Variants in CERKL observed in about 807,000 individuals in gnomAD.
CERKL encodes ceramide kinase-like protein.
Under a neutral mutation model 63.4 loss-of-function variants are expected in CERKL, and 61 were observed. The observed-to-expected ratio is 0.96, with a 90% CI of 0.78 to 1.19. The LOEUF is 1.19. Ranked by LOEUF, CERKL falls within the 50% of genes most tolerant of loss-of-function variation. The pLI is 0.00. For synonymous variants in CERKL, 250 were observed against 230.5 expected, an observed-to-expected ratio of 1.08 and a Z score of -0.77; for missense variants, 675 against 655.5, an observed-to-expected ratio of 1.03 and a Z score of -0.33.
chr2:181,594,947 G>A (rs1027617153), intron 2 of CERKL, among the ~76,000 whole-genome samples: 2 of 152,032 alleles, frequency 1.3e-5, no homozygotes, highest in African/African-American at 4.8e-5. Context: ...AATGAATGCT[G>A]GGGGCTTAAT....
rs1687929966 is a variant in CERKL, at chr2:181,550,316, A to G, written c.821-608T>C. On this transcript the variant is annotated intron_variant, in intron 5 of 12. Transcript: ENST00000410087. The surrounding 1 kb of genome is among the most constrained non-coding windows in gnomAD (Gnocchi z 4.5). ...CCATGTATGAAGATTTGTATTTGAA[A>G]CATTATGATTTCTGATTTTCATGAT... Among the ~76,000 whole-genome samples, 1 of 152,172 alleles carries G rather than the reference A, an allele frequency of 6.6e-6. No homozygotes were observed. The highest frequency in any genetic ancestry group is 1.9e-4 in the East Asian group (1 of 5,200).
chr2:181,548,487 A>G (rs568960374), intron 8 of CERKL, 58 bp downstream of exon 8: 1 of 1,221,976 alleles, frequency 8.2e-7, no homozygotes, highest in East Asian at 2.4e-5. Context: ...ATTGTTTGTC[A>G]GAATGTTTTA....
chr2:181,632,107 G>T (rs1474378850), intron 1 of CERKL, among the ~76,000 whole-genome samples: 3 of 151,992 alleles, frequency 2.0e-5, no homozygotes, highest in Non-Finnish European at 2.9e-5. Flanking sequence ...ACTAGTTTTT[G>T]TATCTTTGCC....
chr2:181,571,861 CT>C (rs1688916551), intron 3 of CERKL, among the ~76,000 whole-genome samples: 2 of 152,120 alleles, frequency 1.3e-5, no homozygotes, highest in Non-Finnish European at 2.9e-5. Context: ...TGTGCCCAAA[CT>C]TAAAAAAGGA....
rs548716833 is a variant in CERKL, at chr2:181,573,857, T to C, written c.509A>G (p.Lys170Arg). ...AGFPNRPKSL[K>R]ILLNPQSHKK... The stretch of plus-strand genomic sequence containing the variant: ...GTGACTTTGGGGGTTAAGGAGTATT[T>C]TTAATGACTTCGGTCTGTTTGGAAA... The change falls in exon 3 of 13, where the codon AAA (lysine) becomes AGA (arginine). Residue 170 changes from lysine (K) to arginine (R), a missense_variant. Transcript: ENST00000410087. The C allele has an allele frequency of 6.2e-7, 1 of 1,613,014 alleles. No individual in the cohort carries two copies. The highest frequency in any genetic ancestry group is 1.7e-5 in the Admixed American group (1 of 59,972).
chr2:181,546,888 T>A (rs1041509067), intron 10 of CERKL, among the ~76,000 whole-genome samples: 2 of 152,248 alleles, frequency 1.3e-5, no homozygotes, highest in Non-Finnish European at 2.9e-5. Flanking sequence ...TTTGGCTTTG[T>A]GTTCCCACTC....
At position 181,656,752 on chromosome 2, in the gene CERKL, T is replaced by C; in HGVS notation, c.238+17A>G. 1.9e-6 allele frequency: 3 copies of C among 1,577,354 alleles called. No homozygotes were observed. The highest frequency in any genetic ancestry group is 4.7e-5 in the East Asian group (2 of 42,890). On this transcript the variant is annotated intron_variant, in intron 1 of 12. Transcript: ENST00000410087. ...AAGCGCGGAGGGAGGCGAAGACGCT[T>C]GGGGCCGGGCACTCACCCGCCGGGC...
intron 1 of CERKL, among the ~76,000 whole-genome samples, chr2:181,651,518 T>A (rs1353926565): frequency 1.3e-5 from 2 of 152,190 alleles, no homozygotes; most frequent in African/African-American, 4.8e-5. Flanking sequence ...AAGTTTGTAC[T>A]TCAACACAAA....
At position 181,609,539 on chromosome 2, in the gene CERKL, A is replaced by G. The variant is rs1235508595; in HGVS notation, c.239-5460T>C. Among the ~76,000 whole-genome samples, 277 of 144,672 alleles carry G rather than the reference A, an allele frequency of 1.9e-3. 3 individuals carry two copies. The highest frequency in any genetic ancestry group is 6.6e-3 in the African/African-American group (264 of 39,732). The allele number at this position is 144,672 out of a possible 152,430, so 94.9% of individuals were successfully genotyped here. A position where few individuals can be genotyped will look rare whatever the true frequency, so the allele number is the denominator to read the frequency against. On this transcript the variant is annotated intron_variant, in intron 1 of 12. Transcript: ENST00000410087. ...GGTGAAACCCTGTCTCTACTAAAAA[A>G]AAAAAAAAAAAAAAAAATTTGCCAG... is the stretch of plus-strand genomic sequence containing the variant.
At chr2:181,649,573 CACTT>C (rs1452814806) in intron 1 of CERKL, 1 of 152,210 alleles carries the variant, frequency 6.6e-6, no homozygotes, top group Non-Finnish European at 1.5e-5. Context: ...ACCTAGCAGA[CACTT>C]ACAGAACATT....
intron 11 of CERKL, among the ~76,000 whole-genome samples, chr2:181,542,803 G>A (rs764989087): frequency 2.6e-5 from 4 of 152,044 alleles, no homozygotes; most frequent in South Asian, 2.1e-4. Context: ...CTTAGAAAAC[G>A]TCTTCCTATC....
chr2:181,612,135 A>G (rs1031306180), intron 1 of CERKL, among the ~76,000 whole-genome samples: 5 of 152,246 alleles, frequency 3.3e-5, no homozygotes, highest in Non-Finnish European at 7.3e-5. Context: ...GTCTGTGGTC[A>G]CACATCTGGT....
chr2:181,625,367 C>CAA (rs935473157), intron 1 of CERKL, among the ~76,000 whole-genome samples: 4 of 128,844 alleles, frequency 3.1e-5, no homozygotes, highest in Non-Finnish European at 6.7e-5. Flanking sequence ...GTGGGGTGAG[C>CAA]AAAAAAAAAA....
At position 181,585,941 on chromosome 2, in the gene CERKL, G is replaced by T. The variant is rs1428856530; in HGVS notation, c.482-12057C>A. Among the ~76,000 whole-genome samples the T allele has an allele frequency of 7.2e-5, 11 of 152,212 alleles. 1 individual carries two copies. In the South Asian group the frequency reaches 2.1e-3, roughly 29 times the overall value. The stretch of plus-strand genomic sequence containing the variant: ...AGTGCTGTCTCTCATCCCCATCGGG[G>T]CACAGAGCTTCATCATCTCACAAGA... On this transcript the variant is annotated intron_variant, in intron 2 of 12. Transcript: ENST00000410087.
rs1330382810 is a variant in CERKL, at chr2:181,537,763, T to A, written c.*421A>T. 1 of 448,552 alleles carries A rather than the reference T, an allele frequency of 2.2e-6. No homozygotes were observed. Among genetic ancestry groups the A allele is most frequent in the South Asian group, 1.6e-5 (1 of 62,556 alleles). 27.8% of individuals were successfully genotyped at this position (448,552 alleles called of 1,614,324 possible). On this transcript the variant is annotated 3_prime_UTR_variant, in exon 13 of 13. Transcript: ENST00000410087. ...GTAAAAAAAAGAATTTGAATTGATA[T>A]CTAAAAACAGAATTTGAATTGATAT... is the stretch of plus-strand genomic sequence containing the variant.
rs140905156 is a variant in CERKL, at chr2:181,614,238, C to T, written c.239-10159G>A. Among the ~76,000 whole-genome samples, 17 of 152,256 alleles carry T rather than the reference C, an allele frequency of 1.1e-4. No homozygotes were observed. The East Asian group carries it at 2.7e-3, about 24-fold the overall frequency. On this transcript the variant is annotated intron_variant, in intron 1 of 12. Transcript: ENST00000410087. ...CTAACTTCAGTGAAGGTTGAAGGTT[C>T]AAGGTTCTAGAGATCATCTGATAAG...
intron 1 of CERKL, among the ~76,000 whole-genome samples, chr2:181,608,815 AT>A (rs1052843255): frequency 1.3e-5 from 2 of 152,090 alleles, no homozygotes; most frequent in African/African-American, 2.4e-5. Context: ...TGTTATCATA[AT>A]TTTTTTTGTA....
At chr2:181,614,047 T>A (rs568295460) in intron 1 of CERKL, among the ~76,000 whole-genome samples, 1 of 152,208 alleles carries the variant, frequency 6.6e-6, no homozygotes, top group African/African-American at 2.4e-5. Context: ...AGTTATCAGA[T>A]TAGATGGTGC....
In CERKL at chr2:181,548,814, G is replaced by T; in HGVS notation, c.939C>A (p.Gly313=). 1 of 1,614,052 alleles carries T rather than the reference G, an allele frequency of 6.2e-7. No homozygotes were observed. Among genetic ancestry groups the T allele is most frequent in the Non-Finnish European group, 8.5e-7 (1 of 1,179,954 alleles). Reference sequence around the variant, plus strand: ...CTGAGAACCCAAAGCGAAGAAGCTTGCCAGCGGTGCTGAAGGTGCAGACGT... The same window carrying T: ...CTGAGAACCCAAAGCGAAGAAGCTTTCCAGCGGTGCTGAAGGTGCAGACGT... ...LVDVCTFSTA[G]KLLRFGFSAM... The change falls in exon 7 of 13, where the codon GGC becomes GGA. Residue 313 remains glycine, a synonymous_variant. Coordinates refer to ENST00000410087, the MANE Select transcript of CERKL (RefSeq NM_201548.5).
Sources: gnomAD v4.1 joint callset for allele counts (sites outside exome capture counted in the v4.1 genomes callset) on GRCh38, gnomAD v4.1.1 for gene constraint, Gnocchi (gnomAD v3.1) non-coding constraint, MANE v1.5 for transcripts, NCBI Gene and HGNC (gene_info 2026-07-23, HGNC 2026-07-21) for gene names.